MGME1: variants seen among roughly 807,000 people sequenced by gnomAD.
The protein encoded by MGME1 is chromosome 20 open reading frame 72.
In MGME1, 22 loss-of-function variants were observed where a neutral mutation model predicts 33.0. The observed-to-expected ratio is 0.67, with a 90% confidence interval of 0.48 to 0.95. The LOEUF (loss-of-function observed/expected upper bound fraction) is 0.95, where lower values mean the gene tolerates loss of function less well. Ranked by LOEUF, MGME1 falls within the 40% of genes least tolerant of loss-of-function variation. The pLI, the probability that MGME1 is intolerant of heterozygous loss-of-function variation, is 0.00. For synonymous variants in MGME1, 133 were observed against 144.0 expected, an observed-to-expected ratio of 0.92 and a Z score of 0.55; for missense variants, 383 against 397.8, an observed-to-expected ratio of 0.96 and a Z score of 0.32.
rs761924656 is a variant in MGME1 at position 17,969,772 on chromosome 20, C to G, written c.-59-29C>G. On this transcript the variant is annotated intron_variant, in intron 1 of 4. Coordinates refer to ENST00000377710, the MANE Select transcript of MGME1 (RefSeq NM_052865.4). ...TGCAATATCATTCTGATGCAGCTTT[C>G]GCTTTGATGGTTGTTTTCTCTCCAA... The G allele has an allele frequency of 1.7e-4, 231 of 1,342,834 alleles. 2 individuals are homozygous for G. Among genetic ancestry groups the G allele is most frequent in the South Asian group, 1.5e-3 (106 of 69,668 alleles). The allele number at this position is 1,342,834 out of a possible 1,614,324, so 83.2% of individuals were successfully genotyped here. A position where few individuals can be genotyped will look rare whatever the true frequency, so the allele number is the denominator to read the frequency against.
At chr20:17,974,133 T>G (rs984727320) in intron 2 of MGME1, among the ~76,000 whole-genome samples, 1 of 148,672 alleles carries the variant, frequency 6.7e-6, no homozygotes, top group Non-Finnish European at 1.5e-5. Context: ...GGCATGATCT[T>G]GGCTCACTGC....
chr20:17,969,721 T>G, intron 1 of MGME1, 80 bp from the exon 2 acceptor site: 1 of 876,452 alleles, frequency 1.1e-6, no homozygotes, highest in Non-Finnish European at 1.7e-6. Context: ...TGTCCAAACA[T>G]GTCGAAAAAG....
At chr20:17,971,629 C>T (rs375725364) in intron 2 of MGME1, among the ~76,000 whole-genome samples, 5 of 152,226 alleles carry the variant, frequency 3.3e-5, no homozygotes, top group Middle Eastern at 3.4e-3. Flanking sequence ...TAAGGAAGTG[C>T]ACCAGAGAGG....
At position 17,970,167 on chromosome 20, in the gene MGME1, T is replaced by C; in HGVS notation, c.308T>C (p.Ile103Thr). 6.2e-7 allele frequency: 1 copy of C among 1,614,200 alleles called. No homozygotes were observed. Among genetic ancestry groups the C allele is most frequent in the South Asian group, 1.1e-5 (1 of 91,080 alleles). ...DRRVPQNWFP[I>T]FNPERSDKPN... ...CGAGTGCCACAAAACTGGTTTCCTA[T>C]CTTCAATCCAGAGAGAAGTGATAAA... The change falls in exon 2 of 5, where the codon ATC (isoleucine) becomes ACC (threonine). Residue 103 changes from isoleucine to threonine, a missense_variant. Coordinates refer to ENST00000377710, the MANE Select transcript of MGME1 (RefSeq NM_052865.4).
intron 3 of MGME1, among the ~76,000 whole-genome samples, chr20:17,981,370 G>A (rs949384885): frequency 8.5e-5 from 13 of 152,060 alleles, no homozygotes; most frequent in Non-Finnish European, 4.4e-5. Flanking sequence ...TTACTTAGTC[G>A]CTCTCTGTCT....
chr20:17,984,344 A>T (rs997442268), intron 3 of MGME1, among the ~76,000 whole-genome samples: 2 of 152,194 alleles, frequency 1.3e-5, no homozygotes, highest in South Asian at 4.1e-4. Flanking sequence ...ACAATATCTC[A>T]GTCAACGACA....
intron 3 of MGME1, among the ~76,000 whole-genome samples, chr20:17,984,176 C>T (rs1037645251): frequency 1.3e-5 from 2 of 152,090 alleles, no homozygotes; most frequent in Admixed American, 6.6e-5. Flanking sequence ...CCCCATTGTT[C>T]GTTCTTGGTA....
Position 17,970,101 on chromosome 20 carries a change from C to G in MGME1, c.242C>G (p.Pro81Arg), listed in dbSNP as rs150656271. The G allele has an allele frequency of 1.6e-4, 261 of 1,614,140 alleles. 1 individual carries two copies. In the African/African-American group the frequency reaches 3.2e-3, roughly 20 times the overall value. Residue 81 changes from proline to arginine, a missense_variant, in exon 2 of 5, where the codon CCC (proline) becomes CGC (arginine). Transcript: ENST00000377710. ...SVEEDALLCG[P>R]VSKHKLPNQG... is the part of the protein sequence containing the mutation. ...GAGGAAGATGCTTTGCTCTGTGGAC[C>G]CGTGAGCAAGCATAAGCTGCCAAAC...
rs781719625 is a variant in MGME1, at chr20:17,991,031, T to C, written c.*922T>C. ...GGAGTGAGTCTTAGCATTTAAGTTA[T>C]ACAGTTGCTGCCTTAAAATAGTAGC... is the stretch of plus-strand genomic sequence containing the variant. On this transcript the variant is annotated 3_prime_UTR_variant, in exon 5 of 5. Coordinates refer to ENST00000377710, the MANE Select transcript of MGME1 (RefSeq NM_052865.4). 2 of 152,236 alleles carry C rather than the reference T, an allele frequency of 1.3e-5. No individual in the cohort carries two copies. The highest frequency in any genetic ancestry group is 4.8e-5 in the African/African-American group (2 of 41,466). 9.4% of individuals were successfully genotyped at this position (152,236 alleles called of 1,614,324 possible). A position where few individuals can be genotyped will look rare whatever the true frequency, so the allele number is the denominator to read the frequency against.
chr20:17,982,433 CGT>C (rs1568613752), intron 3 of MGME1, among the ~76,000 whole-genome samples: 2 of 152,132 alleles, frequency 1.3e-5, no homozygotes, highest in African/African-American at 2.4e-5. Flanking sequence ...TTGTTTTAGA[CGT>C]GTGATATATG....
intron 2 of MGME1, among the ~76,000 whole-genome samples, chr20:17,970,688 T>C (rs1039434561): frequency 1.3e-5 from 2 of 152,376 alleles, no homozygotes; most frequent in Non-Finnish European, 1.5e-5. Context: ...TCCTTGATTA[T>C]TGAAAAAAGT....
At position 17,990,018 on chromosome 20, in the gene MGME1, C is replaced by G; in HGVS notation, c.944C>G (p.Ser315Cys). 6.2e-7 allele frequency: 1 copy of G among 1,614,044 alleles called. No homozygotes were observed. The highest frequency in any genetic ancestry group is 8.5e-7 in the Non-Finnish European group (1 of 1,179,958). The change falls in exon 5 of 5, where the codon TCC becomes TGC. Residue 315 changes from serine (S) to cysteine (C), a missense_variant. Physicochemically the swap from Ser to Cys is moderately radical, Grantham distance 112. Transcript: ENST00000377710. ...HPHFMDAELC[S>C]QYWTKWLLRL... ...CATTTCATGGATGCAGAGCTCTGTT[C>G]CCAGTACTGGACCAAGTGGCTTCTT...
chr20:17,990,192 A>G lies in MGME1; in HGVS notation c.*83A>G. On this transcript the variant is annotated 3_prime_UTR_variant, in exon 5 of 5. Coordinates refer to ENST00000377710, the MANE Select transcript of MGME1 (RefSeq NM_052865.4). ...TGCTGTTTACTCCAGTGTAAAAATG[A>G]GGTGCCACTGGATCTGAGTGCTACA... is the stretch of plus-strand genomic sequence containing the variant. The G allele has an allele frequency of 8.4e-7, 1 of 1,188,896 alleles. No homozygotes were observed. Among genetic ancestry groups the G allele is most frequent in the East Asian group, 2.4e-5 (1 of 41,700 alleles). The allele number at this position is 1,188,896 out of a possible 1,614,324, so 73.6% of individuals were successfully genotyped here.
At chr20:17,975,130 TCTC>T (rs752618172) in intron 2 of MGME1, among the ~76,000 whole-genome samples, 63 of 152,176 alleles carry the variant, frequency 4.1e-4, no homozygotes, top group Non-Finnish European at 7.9e-4. Flanking sequence ...TTGGCCCAAT[TCTC>T]CTAGAAGTAC....
intron 3 of MGME1, 134 bp downstream of exon 3, chr20:17,976,037 C>G: frequency 2.8e-6 from 2 of 707,752 alleles, no homozygotes; most frequent in South Asian, 3.6e-5. Context: ...TTGGGTGGGG[C>G]GGGGTTGAGA....
At chr20:17,982,480 C>G (rs896291041) in intron 3 of MGME1, among the ~76,000 whole-genome samples, 2 of 152,148 alleles carry the variant, frequency 1.3e-5, no homozygotes, top group Admixed American at 1.3e-4. Flanking sequence ...TGAAGTAGAC[C>G]CGGACATGAC....
intron 2 of MGME1, among the ~76,000 whole-genome samples, chr20:17,971,407 T>C (rs1484369372): frequency 6.6e-6 from 1 of 152,242 alleles, no homozygotes; most frequent in Non-Finnish European, 1.5e-5. Context: ...TATTGTCTGC[T>C]TTCCAAGCAA....
At chr20:17,969,180 C>T (rs753326059) in intron 1 of MGME1, 39 bp downstream of exon 1, 1 of 152,286 alleles carries the variant, frequency 6.6e-6, no homozygotes, top group Non-Finnish European at 1.5e-5. Flanking sequence ...TTATTTAAGT[C>T]GTCTTTTCTC....
chr20:17,977,610 A>AT (rs2035901741), intron 3 of MGME1, among the ~76,000 whole-genome samples: 2 of 152,162 alleles, frequency 1.3e-5, no homozygotes, highest in Non-Finnish European at 2.9e-5. Context: ...GGTTTGTGAT[A>AT]AAGGATTAAT....
Sources: allele counts gnomAD v4.1 joint callset (sites outside exome capture counted in the v4.1 genomes callset), GRCh38; gene constraint gnomAD v4.1.1; transcripts MANE v1.5; gene names NCBI Gene and HGNC (gene_info 2026-07-23, HGNC 2026-07-21).